Variants in SIPA1L1 observed in about 807,000 individuals in gnomAD.
SIPA1L1 encodes the protein signal induced proliferation associated 1 like 1, also known as signal-induced proliferation-associated 1-like protein 1.
A neutral mutation model predicts 162.7 loss-of-function variants in SIPA1L1; 26 were observed. The observed-to-expected ratio is 0.16, with a 90% confidence interval of 0.12 to 0.22. The LOEUF (loss-of-function observed/expected upper bound fraction) is 0.22, where lower values mean the gene tolerates loss of function less well. Ranked by LOEUF, SIPA1L1 falls within the 10% of genes least tolerant of loss-of-function variation. The pLI is 1.00. For synonymous variants in SIPA1L1, 829 were observed against 837.4 expected (o/e 0.99, Z 0.17); for missense variants, 1,874 against 2,241.0 (o/e 0.84, Z 3.31).
chr14:71,484,896 C>A (rs1456942181), intron 2 of SIPA1L1, among the ~76,000 whole-genome samples: 1 of 152,138 alleles, frequency 6.6e-6, no homozygotes, highest in Non-Finnish European at 1.5e-5. Context: ...TTAAACAAAA[C>A]CTATGCTTAG....
chr14:71,650,290 T>A, intron 7 of SIPA1L1, 45 bp from the exon 8 acceptor site: 2 of 1,602,886 alleles, frequency 1.2e-6, no homozygotes, highest in Non-Finnish European at 1.7e-6. Flanking sequence ...TGGGACAAAG[T>A]GGATCTGCCT....
chr14:71,336,959 A>G (rs1306011208), intron 2 of SIPA1L1, among the ~76,000 whole-genome samples: 1 of 152,130 alleles, frequency 6.6e-6, no homozygotes, highest in Non-Finnish European at 1.5e-5. Context: ...CCCTGTATCT[A>G]AGCGGCTGTA....
rs150540946 is a variant in SIPA1L1, at chr14:71,718,909, G to T, written c.4209-4738G>T. Reference sequence around the variant, plus strand: ...AACATTTGGATTGTTTCCAATTTTGGATATTCAGAATCTTTGCTTTTTTTT... The same window carrying T: ...AACATTTGGATTGTTTCCAATTTTGTATATTCAGAATCTTTGCTTTTTTTT... On this transcript the variant is annotated intron_variant, in intron 17 of 23. Transcript: ENST00000381232. Among the ~76,000 whole-genome samples the T allele has an allele frequency of 2.5e-3, 376 of 151,838 alleles. 12 individuals are homozygous for T. The East Asian group carries it at 0.065, about 26-fold the overall frequency.
chr14:71,530,377 A>G (rs1028493448), intron 4 of SIPA1L1, among the ~76,000 whole-genome samples: 1 of 149,908 alleles, frequency 6.7e-6, no homozygotes, highest in African/African-American at 2.5e-5. Context: ...GTCCTGATCG[A>G]CCAACTTGTG....
Position 71,624,199 on chromosome 14 carries a change from A to C in SIPA1L1, c.1781A>C (p.Lys594Thr), listed in dbSNP as rs764709818. Residue 594 changes from lysine (K) to threonine (T), a missense_variant, in exon 7 of 24, where the codon AAG becomes ACG. Lys to Thr is a moderately conservative substitution (Grantham distance 78, BLOSUM62 -1). Coordinates refer to ENST00000381232, the MANE Select transcript of SIPA1L1 (RefSeq NM_001386936.1). ...QCLRLAFNTP[K>T]VTEQLMKLDE... ...CTGCGGTTGGCCTTCAACACACCCA[A>C]GGTCACAGAGCAGCTCATGAAACTG... The C allele has an allele frequency of 4.3e-6, 7 of 1,613,846 alleles. No homozygotes were observed. The African/African-American group carries it at 6.7e-5, about 15-fold the overall frequency.
At chr14:71,388,819 G>T (rs1346522156) in intron 2 of SIPA1L1, among the ~76,000 whole-genome samples, 3 of 152,182 alleles carry the variant, frequency 2.0e-5, no homozygotes, top group Non-Finnish European at 4.4e-5. Context: ...ACCCTCCCTA[G>T]TGCTACCTAC....
intron 2 of SIPA1L1, among the ~76,000 whole-genome samples, chr14:71,431,802 T>C (rs2044010957): frequency 6.6e-6 from 1 of 152,206 alleles, no homozygotes; most frequent in African/African-American, 2.4e-5. Context: ...TCTTGGCCTC[T>C]CTGAAGGTTT....
chr14:71,544,162 T>TACATATATGCAC (rs2054876204), intron 4 of SIPA1L1, among the ~76,000 whole-genome samples: 1 of 140,524 alleles, frequency 7.1e-6, no homozygotes. Context: ...TGTGTGTATA[T>TACATATATGCAC]GTACATATAT....
chr14:71,422,133 T>C lies in SIPA1L1; in HGVS notation c.-464-90610T>C, dbSNP rs58851135. ...AAACTTTTAGCCTGGGAAAGAGATA[T>C]GTGTGTTGGCTCATACCTATAATAA... On this transcript the variant is annotated intron_variant, in intron 2 of 23. Transcript: ENST00000381232. Among the ~76,000 whole-genome samples the C allele has an allele frequency of 4.2e-4, 64 of 152,342 alleles. 1 individual carries two copies. Among genetic ancestry groups the C allele is most frequent in the African/African-American group, 1.4e-3 (59 of 41,584 alleles).
chr14:71,351,857 T>G (rs2036744685), intron 2 of SIPA1L1, among the ~76,000 whole-genome samples: 1 of 152,026 alleles, frequency 6.6e-6, no homozygotes, highest in Admixed American at 6.6e-5. Flanking sequence ...CCAGGTGTTA[T>G]TCTAGCTACT....
chr14:71,626,142 A>G (rs2039957778), intron 7 of SIPA1L1, among the ~76,000 whole-genome samples: 1 of 152,246 alleles, frequency 6.6e-6, no homozygotes, highest in Non-Finnish European at 1.5e-5. Context: ...ATAAATTATT[A>G]ATCATAATAT....
At chr14:71,711,774 C>G (rs1371409550) in intron 17 of SIPA1L1, among the ~76,000 whole-genome samples, 1 of 152,234 alleles carries the variant, frequency 6.6e-6, no homozygotes, top group Non-Finnish European at 1.5e-5. Flanking sequence ...TTTTCTGCTT[C>G]TAACTGGAAG....
At chr14:71,699,455 G>T (rs1424668215) in intron 14 of SIPA1L1, among the ~76,000 whole-genome samples, 1 of 152,158 alleles carries the variant, frequency 6.6e-6, no homozygotes, top group African/African-American at 2.4e-5. Context: ...AAAAACACCT[G>T]TACAAGTTTT....
Position 71,326,958 on chromosome 14 carries a change from C to T in SIPA1L1, c.-465+5777C>T, listed in dbSNP as rs990208166. Among the ~76,000 whole-genome samples the T allele has an allele frequency of 1.3e-4, 20 of 151,750 alleles. 1 individual carries two copies. Among genetic ancestry groups the T allele is most frequent in the South Asian group, 1.0e-3 (5 of 4,820 alleles). ...GACTCCTGACTTCCAGCGATCCTCC[C>T]GCCTTGGCCTCCCAAAGTGCTGGTA... is the stretch of plus-strand genomic sequence containing the variant. On this transcript the variant is annotated intron_variant, in intron 2 of 23. Transcript: ENST00000381232.
In SIPA1L1 at chr14:71,367,533, C is replaced by T. The variant is rs189937441; in HGVS notation, c.-465+46352C>T. 1.5e-4 allele frequency among the ~76,000 whole-genome samples: 23 copies of T among 151,512 alleles called. 1 individual carries two copies. The East Asian group carries it at 4.5e-3, about 29-fold the overall frequency. ...CCGTGTTAGCCAGGATGGTCTCGATCTCCTGACCTCGTGATCTGCCCGCCT... is the reference window on the plus strand; with the variant it reads ...CCGTGTTAGCCAGGATGGTCTCGATTTCCTGACCTCGTGATCTGCCCGCCT... On this transcript the variant is annotated intron_variant, in intron 2 of 23. Transcript: ENST00000381232.
intron 2 of SIPA1L1, among the ~76,000 whole-genome samples, chr14:71,503,002 G>C (rs539902498): frequency 6.6e-6 from 1 of 152,262 alleles, no homozygotes; most frequent in Admixed American, 6.5e-5. Context: ...CCCCCTTGCT[G>C]TAGGACAGTT....
chr14:71,346,042 G>A (rs566143025), intron 2 of SIPA1L1, among the ~76,000 whole-genome samples: 1 of 152,000 alleles, frequency 6.6e-6, no homozygotes, highest in East Asian at 1.9e-4. Flanking sequence ...CGAGTAGCTG[G>A]GACTACATGC....
intron 7 of SIPA1L1, among the ~76,000 whole-genome samples, chr14:71,639,099 C>A (rs1432745922): frequency 6.6e-6 from 1 of 152,144 alleles, no homozygotes; most frequent in Non-Finnish European, 1.5e-5. Context: ...AACTACAAAA[C>A]CCTGATGAAC....
chr14:71,572,646 G>T (rs111433589), intron 4 of SIPA1L1, among the ~76,000 whole-genome samples: 2,886 of 152,284 alleles, frequency 0.019, 89 homozygotes, highest in African/African-American at 0.066. Context: ...AAGAGCCCTA[G>T]GAGAGAGTTC....
Sources: allele counts gnomAD v4.1 joint callset (sites outside exome capture counted in the v4.1 genomes callset), GRCh38; gene constraint gnomAD v4.1.1; transcripts MANE v1.5; gene names NCBI Gene and HGNC (gene_info 2026-07-23, HGNC 2026-07-21).